The following CASR variants were observed in gnomAD, a reference collection of about 807,000 sequenced individuals.
CASR encodes calcium sensing receptor.
In CASR, 23 loss-of-function variants were observed where a neutral mutation model predicts 69.1. That is an observed-to-expected ratio of 0.33 (90% CI 0.24 to 0.47). The LOEUF is 0.47. CASR is among the 20% of genes least tolerant of loss of function. CASR has a pLI of 1.00. For synonymous variants in CASR, 541 were observed against 544.7 expected (o/e 0.99, Z 0.10); for missense variants, 924 against 1,356.1 (o/e 0.68, Z 5.00).
intron 1 of CASR, among the ~76,000 whole-genome samples, chr3:122,207,980 T>C (rs1468227480): frequency 6.6e-6 from 1 of 152,054 alleles, no homozygotes; most frequent in East Asian, 1.9e-4. Flanking sequence ...AGTCTATCTC[T>C]CCCTTTAGGT....
intron 1 of CASR, among the ~76,000 whole-genome samples, chr3:122,206,268 GT>G (rs58014586): frequency 0.49 from 73,300 of 149,122 alleles, 18,795 homozygotes; most frequent in African/African-American, 0.6. Context: ...TTTGATGAGG[GT>G]TTTTTTTTTT....
At chr3:122,250,763 T>C (rs1269747719) in intron 1 of CASR, among the ~76,000 whole-genome samples, 2 of 152,254 alleles carry the variant, frequency 1.3e-5, no homozygotes, top group Non-Finnish European at 2.9e-5. Context: ...TAAACATTTA[T>C]TCAGCATTTA....
chr3:122,197,265 C>G lies in CASR; in HGVS notation c.-243+13453C>G, dbSNP rs533571466. Among the ~76,000 whole-genome samples the G allele has an allele frequency of 6.6e-5, 10 of 152,274 alleles. No homozygotes were observed. In the East Asian group the frequency reaches 1.5e-3, roughly 24 times the overall value. On this transcript the variant is annotated intron_variant, in intron 1 of 6. Coordinates refer to ENST00000639785, the MANE Select transcript of CASR (RefSeq NM_000388.4). ...GAACTTTTGTCTGGTGCTGTGTGTC[C>G]TTGTGTGGCTCCAGTGGGAAATTCA...
chr3:122,207,144 T>A (rs922244488), intron 1 of CASR, among the ~76,000 whole-genome samples: 14 of 152,120 alleles, frequency 9.2e-5, no homozygotes, highest in African/African-American at 3.4e-4. Flanking sequence ...GTGAGGTGCA[T>A]ATTAGCAAAT....
rs373304569 is a variant in CASR at position 122,252,445 on chromosome 3, G to GAAA, written c.-242-1497_-242-1495dup. The stretch of plus-strand genomic sequence containing the variant: ...AGAAAGAAAGAAAGAAAGAAAGAAA[G>GAAA]AAAAAAAAGAAAAGAAAGAAAAGAA... On this transcript the variant is annotated intron_variant, in intron 1 of 6. Coordinates refer to ENST00000639785, the MANE Select transcript of CASR (RefSeq NM_000388.4). 2.2e-4 allele frequency among the ~76,000 whole-genome samples: 15 copies of GAAA among 67,844 alleles called. 1 individual carries two copies. The highest frequency in any genetic ancestry group is 7.9e-4 in the African/African-American group (12 of 15,270). 44.5% of individuals were successfully genotyped at this position (67,844 alleles called of 152,430 possible).
At chr3:122,194,814 C>T (rs929697520) in intron 1 of CASR, among the ~76,000 whole-genome samples, 1 of 152,130 alleles carries the variant, frequency 6.6e-6, no homozygotes, top group African/African-American at 2.4e-5. Flanking sequence ...AAGTATATGC[C>T]AAGAGTCCTT....
intron 1 of CASR, among the ~76,000 whole-genome samples, chr3:122,194,271 C>G (rs1213525075): frequency 6.6e-6 from 1 of 152,106 alleles, no homozygotes; most frequent in Non-Finnish European, 1.5e-5. Flanking sequence ...TCCTAGTTGG[C>G]CTTTTATCAT....
intron 2 of CASR, among the ~76,000 whole-genome samples, chr3:122,255,261 A>T (rs1323193216): frequency 6.8e-6 from 1 of 146,802 alleles, no homozygotes; most frequent in Non-Finnish European, 1.5e-5. Context: ...CACCTCCCCT[A>T]ATCTACACTG....
chr3:122,214,451 C>T (rs2074097282), intron 1 of CASR, among the ~76,000 whole-genome samples: 1 of 152,146 alleles, frequency 6.6e-6, no homozygotes, highest in African/African-American at 2.4e-5. Flanking sequence ...TTCTATGGCT[C>T]AGACAGGATA....
chr3:122,233,044 G>A (rs2074294696), intron 1 of CASR, among the ~76,000 whole-genome samples: 1 of 152,138 alleles, frequency 6.6e-6, no homozygotes, highest in Non-Finnish European at 1.5e-5. Context: ...CTGGCTCGGA[G>A]GAGTGACTGC....
chr3:122,256,602 T>C (rs927927390), intron 2 of CASR, among the ~76,000 whole-genome samples: 14 of 152,282 alleles, frequency 9.2e-5, no homozygotes, highest in Middle Eastern at 3.4e-3. Flanking sequence ...GCAAGTGTCA[T>C]CCTCCTTTTA....
chr3:122,252,456 AAAGAAAGAAAAGAAAAGAAGGGAG>A (rs2074506852), intron 1 of CASR, among the ~76,000 whole-genome samples: 1 of 88,098 alleles, frequency 1.1e-5, no homozygotes, highest in Non-Finnish European at 2.4e-5. Flanking sequence ...AAAAAAAAGA[AAAGAAAGAAAAGAAAAGAAGGGAG>A]GGAGGGAAGG....
In CASR at chr3:122,262,119, G is replaced by A. The variant is rs2107632864; in HGVS notation, c.1084G>A (p.Glu362Lys). ...WEETFNCHLQ[E>K]GAKGPLPVDT... is the part of the protein sequence containing the mutation. ...AGAAACATTTAACTGCCACCTCCAA[G>A]AAGGTGCAAAAGGACCTTTACCTGT... The change falls in exon 4 of 7, where the codon GAA (glutamate) becomes AAA (lysine). Residue 362 changes from glutamate to lysine, a missense_variant. Glu to Lys is a moderately conservative substitution (Grantham distance 56, BLOSUM62 1). Coordinates refer to ENST00000639785, the MANE Select transcript of CASR (RefSeq NM_000388.4). The A allele has an allele frequency of 1.2e-6, 2 of 1,614,196 alleles. No individual in the cohort carries two copies. The highest frequency in any genetic ancestry group is 2.2e-5 in the South Asian group (2 of 91,084).
chr3:122,291,516 G>T lies in CASR; in HGVS notation c.*6325G>T, dbSNP rs938094464. 1 of 152,210 alleles carries T rather than the reference G, an allele frequency of 6.6e-6. No homozygotes were observed. The highest frequency in any genetic ancestry group is 2.4e-5 in the African/African-American group (1 of 41,446). The allele number at this position is 152,210 out of a possible 1,614,324, so 9.4% of individuals were successfully genotyped here. A position where few individuals can be genotyped will look rare whatever the true frequency, so the allele number is the denominator to read the frequency against. On this transcript the variant is annotated 3_prime_UTR_variant, in exon 7 of 7. Coordinates refer to ENST00000639785, the MANE Select transcript of CASR (RefSeq NM_000388.4). ...CATTATAAATGAAGATTGCTTGGTA[G>T]TGGACTAATGGATAATTGTTTCTGC...
At chr3:122,238,265 G>A (rs373188824) in intron 1 of CASR, among the ~76,000 whole-genome samples, 3 of 152,170 alleles carry the variant, frequency 2.0e-5, no homozygotes, top group African/African-American at 7.2e-5. Context: ...AGAGCACAGC[G>A]ACTGGGCCAC....
chr3:122,272,091 G>GTACACACACACA lies in CASR; in HGVS notation c.1378-3721_1378-3720insTACACACACACA, dbSNP rs55688288. 6.9e-3 allele frequency among the ~76,000 whole-genome samples: 1,022 copies of GTACACACACACA among 148,898 alleles called. 11 individuals are homozygous for GTACACACACACA. Among genetic ancestry groups the GTACACACACACA allele is most frequent in the Non-Finnish European group, 7.9e-3 (530 of 67,058 alleles). ...ATATATTTTCATTTCTCCTAGGAAT[G>GTACACACACACA]CACACACACACACACACACACACAC... On this transcript the variant is annotated intron_variant, in intron 4 of 6. Transcript: ENST00000639785.
intron 4 of CASR, 65 bp from the exon 5 acceptor site, chr3:122,275,747 C>A: frequency 9.5e-7 from 1 of 1,048,346 alleles, no homozygotes; most frequent in East Asian, 2.4e-5. Flanking sequence ...GTGCAGGGCA[C>A]AGCCTACCTA....
At chr3:122,247,916 C>A (rs562049727) in intron 1 of CASR, among the ~76,000 whole-genome samples, 1 of 152,334 alleles carries the variant, frequency 6.6e-6, no homozygotes, top group East Asian at 1.9e-4. Flanking sequence ...TCACAAGAAC[C>A]CACCCAGCTC....
intron 6 of CASR, among the ~76,000 whole-genome samples, 198 bp from the exon 7 acceptor site, chr3:122,283,489 A>G (rs1009958103): frequency 6.6e-5 from 10 of 152,210 alleles, no homozygotes; most frequent in African/African-American, 2.4e-4. Flanking sequence ...TCAGAGTTAC[A>G]TGAAATTAAC....
Sources: gnomAD v4.1 joint callset for allele counts (sites outside exome capture counted in the v4.1 genomes callset) on GRCh38, gnomAD v4.1.1 for gene constraint, MANE v1.5 for transcripts, NCBI Gene and HGNC (gene_info 2026-07-23, HGNC 2026-07-21) for gene names.